Variants in CEP135 observed in about 807,000 individuals in gnomAD.
CEP135 encodes the protein centrosomal protein of 135 kDa.
A neutral mutation model predicts 157.3 loss-of-function variants in CEP135; 142 were observed. The ratio of observed to expected loss-of-function variants is 0.90; its 90% CI spans 0.79 to 1.04. The LOEUF (loss-of-function observed/expected upper bound fraction) is 1.04, where lower values mean the gene tolerates loss of function less well. Among genes scored for constraint, CEP135 ranks in the 50% least tolerant of loss-of-function variants. The pLI, the probability that CEP135 is intolerant of heterozygous loss-of-function variation, is 0.00. For missense variants in CEP135, 1,317 were observed against 1,309.2 expected, an observed-to-expected ratio of 1.01 and a Z score of -0.09; for synonymous variants, 396 against 439.8, an observed-to-expected ratio of 0.90 and a Z score of 1.25.
At chr4:55,996,001 CA>C (rs1248088116) in intron 15 of CEP135, among the ~76,000 whole-genome samples, 4 of 152,284 alleles carry the variant, frequency 2.6e-5, no homozygotes, top group East Asian at 3.9e-4. Flanking sequence ...GGAAATGACC[CA>C]TAAAGTCTAT....
At chr4:56,030,438 G>T (rs1458444910) in intron 25 of CEP135, among the ~76,000 whole-genome samples, 3 of 152,108 alleles carry the variant, frequency 2.0e-5, no homozygotes, top group African/African-American at 4.8e-5. Flanking sequence ...ATTTCTGTGT[G>T]TGTGTTTTGT....
At chr4:55,996,775 G>T (rs1458310687) in intron 15 of CEP135, among the ~76,000 whole-genome samples, 1 of 150,874 alleles carries the variant, frequency 6.6e-6, no homozygotes, top group Non-Finnish European at 1.5e-5. Context: ...TTCTTAGATG[G>T]TGCTTTAGCT....
intron 21 of CEP135, among the ~76,000 whole-genome samples, chr4:56,016,362 T>C (rs1730773155): frequency 2.0e-5 from 3 of 152,158 alleles, no homozygotes; most frequent in Non-Finnish European, 4.4e-5. Flanking sequence ...TAATACACTA[T>C]CTCTAAAAGT....
At chr4:55,955,483 C>T (rs1011639362) in intron 4 of CEP135, among the ~76,000 whole-genome samples, 9 of 151,906 alleles carry the variant, frequency 5.9e-5, no homozygotes, top group Admixed American at 5.2e-4. Flanking sequence ...CTCAGTGGAG[C>T]GTGAGATAGT....
chr4:56,015,808 A>T (rs1385289383), intron 21 of CEP135, among the ~76,000 whole-genome samples: 2 of 152,164 alleles, frequency 1.3e-5, no homozygotes, highest in Admixed American at 6.5e-5. Context: ...TGATGCTTAG[A>T]TGAGATTTTG....
intron 25 of CEP135, among the ~76,000 whole-genome samples, chr4:56,029,221 T>C (rs757435016): frequency 2.6e-5 from 4 of 152,212 alleles, no homozygotes; most frequent in Non-Finnish European, 4.4e-5. Context: ...TTCTGAAAGG[T>C]TCCTGAACCC....
chr4:55,970,829 G>T (rs976568768), intron 9 of CEP135, among the ~76,000 whole-genome samples: 6 of 152,030 alleles, frequency 3.9e-5, no homozygotes, highest in Non-Finnish European at 8.8e-5. Flanking sequence ...ATTCATCCTC[G>T]CCAGTAAATC....
intron 15 of CEP135, among the ~76,000 whole-genome samples, chr4:55,993,909 G>T (rs1729877869): frequency 6.6e-6 from 1 of 152,160 alleles, no homozygotes; most frequent in African/African-American, 2.4e-5. Context: ...GCTATTGTGA[G>T]AATTTTTGTC....
intron 24 of CEP135, among the ~76,000 whole-genome samples, chr4:56,024,030 T>C (rs1731068387): frequency 7.0e-6 from 1 of 142,982 alleles, no homozygotes; most frequent in African/African-American, 2.5e-5. Flanking sequence ...TATTATATGT[T>C]ATATATTGTA....
chr4:55,963,219 A>G (rs1002856503), intron 6 of CEP135, among the ~76,000 whole-genome samples: 4 of 152,002 alleles, frequency 2.6e-5, no homozygotes, highest in African/African-American at 7.3e-5. Context: ...ATTGTTTCTT[A>G]TGCATTTCTG....
chr4:56,024,444 CTT>C, intron 24 of CEP135, 55 bp from the exon 25 acceptor site: 1 of 1,279,678 alleles, frequency 7.8e-7, no homozygotes, highest in Non-Finnish European at 1.1e-6. Flanking sequence ...TTGTTTGCCA[CTT>C]TTTGATTTTC....
intron 11 of CEP135, among the ~76,000 whole-genome samples, chr4:55,979,537 T>G (rs901377267): frequency 2.0e-5 from 3 of 152,172 alleles, no homozygotes; most frequent in African/African-American, 4.8e-5. Flanking sequence ...GCCTGGCGTA[T>G]TGATCTTAGA....
chr4:55,984,062 A>G (rs1479269761), intron 13 of CEP135, among the ~76,000 whole-genome samples: 1 of 152,192 alleles, frequency 6.6e-6, no homozygotes, highest in Non-Finnish European at 1.5e-5. Flanking sequence ...TACCTCTCTT[A>G]AATCGATATT....
At chr4:56,003,298 C>T (rs1355409077) in intron 17 of CEP135, among the ~76,000 whole-genome samples, 5 of 152,138 alleles carry the variant, frequency 3.3e-5, no homozygotes, top group African/African-American at 7.2e-5. Flanking sequence ...TGCCGCCTCC[C>T]GGGTTCACGC....
At chr4:56,011,332 C>G (rs1384134242) in intron 19 of CEP135, 80 bp from the exon 20 acceptor site, 2 of 961,174 alleles carry the variant, frequency 2.1e-6, no homozygotes, top group Admixed American at 5.2e-5. Flanking sequence ...TCTCCAATTC[C>G]AAAGGAATTA....
chr4:55,976,749 A>G (rs1189509465), intron 11 of CEP135, among the ~76,000 whole-genome samples: 1 of 152,180 alleles, frequency 6.6e-6, no homozygotes, highest in African/African-American at 2.4e-5. Context: ...TGGGTGGGGT[A>G]TAAGACAGTT....
chr4:55,959,652 G>A (rs773825879), intron 5 of CEP135, 30 bp from the exon 6 acceptor site: 2 of 1,550,632 alleles, frequency 1.3e-6, no homozygotes, highest in South Asian at 2.2e-5. Flanking sequence ...TAACAAAAGT[G>A]TATTGGCATT....
At chr4:56,004,464 T>C (rs1279886294) in intron 17 of CEP135, among the ~76,000 whole-genome samples, 2 of 152,224 alleles carry the variant, frequency 1.3e-5, no homozygotes, top group Admixed American at 1.3e-4. Flanking sequence ...TCTTTGTTGA[T>C]TTTATGTCAA....
At chr4:55,983,316 T>TAATA (rs1299177911) in intron 13 of CEP135, among the ~76,000 whole-genome samples, 2 of 152,234 alleles carry the variant, frequency 1.3e-5, no homozygotes, top group African/African-American at 4.8e-5. Context: ...ATTTGTATTA[T>TAATA]CAGAATCCTT....
Sources: allele counts gnomAD v4.1 joint callset (sites outside exome capture counted in the v4.1 genomes callset), GRCh38; gene constraint gnomAD v4.1.1; transcripts MANE v1.5; gene names NCBI Gene and HGNC (gene_info 2026-07-23, HGNC 2026-07-21).